RPS6KA2: variants seen among roughly 807,000 people sequenced by gnomAD.
RPS6KA2 encodes the protein ribosomal protein S6 kinase A2, also known as ribosomal protein S6 kinase alpha-2.
In RPS6KA2, 42 loss-of-function variants were observed where a neutral mutation model predicts 91.8. That is an observed-to-expected ratio of 0.46 (90% CI 0.36 to 0.59). The LOEUF (loss-of-function observed/expected upper bound fraction) is 0.59. Ranked by LOEUF, RPS6KA2 falls within the 20% of genes least tolerant of loss-of-function variation. The probability of loss-of-function intolerance (pLI) is 0.00; values close to 1 mark genes in which losing one functional copy is unlikely to be tolerated. For missense variants in RPS6KA2, 798 were observed against 978.5 expected (o/e 0.82, Z 2.46); for synonymous variants, 414 against 393.6 (o/e 1.05, Z -0.61).
intron 1 of RPS6KA2, among the ~76,000 whole-genome samples, chr6:166,615,294 G>A (rs1037395966): frequency 1.3e-5 from 2 of 152,170 alleles, no homozygotes; most frequent in Admixed American, 1.3e-4. Flanking sequence ...AAAGAACATC[G>A]TGTCTCACAC....
intron 2 of RPS6KA2, among the ~76,000 whole-genome samples, chr6:166,768,957 G>C (rs1778393805): frequency 6.6e-6 from 1 of 152,184 alleles, no homozygotes; most frequent in African/African-American, 2.4e-5. Flanking sequence ...GATGTGACTG[G>C]ACACAGGGTC....
At chr6:166,755,314 G>A (rs1583082722) in intron 2 of RPS6KA2, among the ~76,000 whole-genome samples, 1 of 152,084 alleles carries the variant, frequency 6.6e-6, no homozygotes, top group South Asian at 2.1e-4. Flanking sequence ...CCCGGGCATG[G>A]CAAAAACCTT....
chr6:166,620,219 T>G (rs1786575213), intron 1 of RPS6KA2, among the ~76,000 whole-genome samples: 1 of 152,264 alleles, frequency 6.6e-6, no homozygotes, highest in African/African-American at 2.4e-5. Context: ...TTCAAGCCTT[T>G]CTTTTCTTTG....
At chr6:166,768,159 A>G in intron 2 of RPS6KA2, among the ~76,000 whole-genome samples, 1 of 152,216 alleles carries the variant, frequency 6.6e-6, no homozygotes, top group East Asian at 1.9e-4. Context: ...AAGAGGAGGA[A>G]ACCCAGAGAG....
At chr6:166,526,341 C>CTT (rs10616497) in intron 3 of RPS6KA2, among the ~76,000 whole-genome samples, 1,927 of 101,868 alleles carry the variant, frequency 0.019, 17 homozygotes, top group East Asian at 0.03. Context: ...GTTTATATGG[C>CTT]TTTTTTTTTT....
At chr6:166,785,479 A>G (rs1778905756) in intron 2 of RPS6KA2, among the ~76,000 whole-genome samples, 1 of 152,264 alleles carries the variant, frequency 6.6e-6, no homozygotes, top group African/African-American at 2.4e-5. Flanking sequence ...CTTTCCATAG[A>G]CAATGGACCA....
At chr6:166,661,089 G>A (rs1441556958) in intron 2 of RPS6KA2, among the ~76,000 whole-genome samples, 1 of 110,442 alleles carries the variant, frequency 9.1e-6, no homozygotes, top group Non-Finnish European at 2.0e-5. Flanking sequence ...CAATTTGTAT[G>A]GCCAAAATCT....
At chr6:166,629,156 G>T (rs910555273), upstream of RPS6KA2, among the ~76,000 whole-genome samples, 1 of 152,254 alleles carries the variant, frequency 6.6e-6, no homozygotes, top group Non-Finnish European at 1.5e-5. Flanking sequence ...ACTGGACACA[G>T]ACTCCGGGAA....
chr6:166,503,610 G>C (rs1342397968), intron 6 of RPS6KA2, among the ~76,000 whole-genome samples: 1 of 152,188 alleles, frequency 6.6e-6, no homozygotes, highest in Non-Finnish European at 1.5e-5. Flanking sequence ...GTCTGGGTGG[G>C]TGGCATTAAT....
At chr6:166,804,505 G>T (rs1172992098) in intron 2 of RPS6KA2, among the ~76,000 whole-genome samples, 1 of 149,686 alleles carries the variant, frequency 6.7e-6, no homozygotes, top group African/African-American at 2.5e-5. Context: ...GATCTGGATT[G>T]ACAAAATTTT....
chr6:166,516,310 C>A (rs1652165684), intron 3 of RPS6KA2, among the ~76,000 whole-genome samples: 1 of 152,154 alleles, frequency 6.6e-6, no homozygotes, highest in Non-Finnish European at 1.5e-5. Flanking sequence ...AGCACAAAGA[C>A]CCCAAAGGAA....
chr6:166,460,548 C>G (rs996288726), intron 11 of RPS6KA2: 1 of 152,434 alleles, frequency 6.6e-6, no homozygotes, highest in African/African-American at 2.4e-5. Context: ...CGAGGGACCT[C>G]CGGGCAGATT....
chr6:166,789,424 C>G (rs1198011364), intron 2 of RPS6KA2, among the ~76,000 whole-genome samples: 1 of 152,262 alleles, frequency 6.6e-6, no homozygotes, highest in Non-Finnish European at 1.5e-5. Flanking sequence ...TCTGTAGGCT[C>G]CGCCTCTGGG....
intron 1 of RPS6KA2, among the ~76,000 whole-genome samples, chr6:166,539,669 T>C (rs1206715855): frequency 6.6e-6 from 1 of 152,204 alleles, no homozygotes; most frequent in African/African-American, 2.4e-5. Flanking sequence ...GTGAAAACAC[T>C]GACAGAAAAC....
intron 2 of RPS6KA2, among the ~76,000 whole-genome samples, chr6:166,636,007 C>T (rs1787228920): frequency 6.6e-6 from 1 of 152,244 alleles, no homozygotes; most frequent in Non-Finnish European, 1.5e-5. Flanking sequence ...GCTTATAACT[C>T]TTCCAGGCTT....
At chr6:166,831,538 C>T (rs1484735074) in intron 2 of RPS6KA2, among the ~76,000 whole-genome samples, 1 of 151,930 alleles carries the variant, frequency 6.6e-6, no homozygotes, top group Non-Finnish European at 1.5e-5. Context: ...TTCACAGGCT[C>T]CTTCTTCCCA....
At chr6:166,541,273 G>A (rs890337634) in intron 1 of RPS6KA2, among the ~76,000 whole-genome samples, 8 of 152,238 alleles carry the variant, frequency 5.3e-5, no homozygotes, top group Admixed American at 2.6e-4. Context: ...TGGGGCAGGC[G>A]AGGCACGAGC....
At chr6:166,416,123 T>TTCTC (rs59404666) in intron 19 of RPS6KA2, among the ~76,000 whole-genome samples, 8 of 686 alleles carry the variant, frequency 0.012, no homozygotes, top group East Asian at 0.033. Flanking sequence ...TCACCATCCT[T>TTCTC]CATCACCCCC....
Position 166,494,509 on chromosome 6 carries a change from C to A in RPS6KA2, c.748-3768G>T, listed in dbSNP as rs899345330. Among the ~76,000 whole-genome samples the A allele has an allele frequency of 6.6e-6, 1 of 152,184 alleles. No homozygotes were observed. Among genetic ancestry groups the A allele is most frequent in the African/African-American group, 2.4e-5 (1 of 41,454 alleles). ...GAAGGATAAAGTGGTCTCACGAAAC[C>A]AGAGTGCTCAAGAGATGCTTTAGAT... On this transcript the variant is annotated intron_variant, in intron 8 of 20. Coordinates refer to ENST00000265678, the MANE Select transcript of RPS6KA2 (RefSeq NM_021135.6). This position sits in a 1 kb window ranked among gnomAD's most constrained non-coding sequence, Gnocchi z 5.1.
Sources: gnomAD v4.1 joint callset for allele counts (sites outside exome capture counted in the v4.1 genomes callset) on GRCh38, gnomAD v4.1.1 for gene constraint, Gnocchi (gnomAD v3.1) non-coding constraint, MANE v1.5 for transcripts, NCBI Gene and HGNC (gene_info 2026-07-23, HGNC 2026-07-21) for gene names.